NPHS2: variants seen among roughly 807,000 people sequenced by gnomAD.
The protein encoded by NPHS2 is NPHS2 stomatin family member, podocin.
A neutral mutation model predicts 37.1 loss-of-function variants in NPHS2; 36 were observed. The ratio of observed to expected loss-of-function variants is 0.97; its 90% CI spans 0.74 to 1.28. The LOEUF (loss-of-function observed/expected upper bound fraction) is 1.28, where lower values mean the gene tolerates loss of function less well. NPHS2 is among the 50% of genes most tolerant of loss of function. The probability of loss-of-function intolerance (pLI) is 0.00; values close to 1 mark genes in which losing one functional copy is unlikely to be tolerated. For missense variants in NPHS2, 447 were observed against 488.1 expected, an observed-to-expected ratio of 0.92 and a Z score of 0.79; for synonymous variants, 196 against 189.3, an observed-to-expected ratio of 1.04 and a Z score of -0.29.
At chr1:179,575,532 A>T in intron 1 of NPHS2, 59 bp downstream of exon 1, 1 of 1,595,420 alleles carries the variant, frequency 6.3e-7, no homozygotes, top group Non-Finnish European at 8.5e-7. Context: ...TTTCCACCTT[A>T]TCTGACGCCC....
chr1:179,557,585 C>T (rs1041666919), intron 4 of NPHS2, among the ~76,000 whole-genome samples: 1 of 152,098 alleles, frequency 6.6e-6, no homozygotes, highest in Admixed American at 6.6e-5. Flanking sequence ...ATGTGTTGCT[C>T]GCTAGAGTGT....
Position 179,575,716 on chromosome 1 carries a change from C to G in NPHS2, c.149G>C (p.Arg50Pro), listed in dbSNP as rs1246051609. The G allele has an allele frequency of 1.3e-6, 2 of 1,553,302 alleles. No homozygotes were observed. The highest frequency in any genetic ancestry group is 1.7e-6 in the Non-Finnish European group (2 of 1,154,766). The change falls in exon 1 of 8, where the codon CGG (arginine) becomes CCG (proline). Residue 50 changes from arginine to proline, a missense_variant. Transcript: ENST00000367615. Reference protein sequence around the residue: ...EAGPEPSGSGRAGTPGEPRAP... With the variant: ...EAGPEPSGSGPAGTPGEPRAP... ...TCGGGGCTCCCCCGGGGTCCCCGCC[C>G]GTCCGGAGCCCGACGGCTCGGGCCC... is the stretch of plus-strand genomic sequence containing the variant.
At chr1:179,573,142 T>C (rs1341779294) in intron 1 of NPHS2, among the ~76,000 whole-genome samples, 1 of 152,176 alleles carries the variant, frequency 6.6e-6, no homozygotes, top group Admixed American at 6.5e-5. Context: ...TAAAATCTTA[T>C]TTTTAAGAGA....
At chr1:179,570,825 C>G (rs1674525864) in intron 1 of NPHS2, among the ~76,000 whole-genome samples, 1 of 152,232 alleles carries the variant, frequency 6.6e-6, no homozygotes, top group Admixed American at 6.5e-5. Context: ...TCTTCAGTCA[C>G]TGATACTCTT....
In NPHS2 at chr1:179,552,637, A is replaced by G. The variant is rs200681472; in HGVS notation, c.839T>C (p.Val280Ala). ...GGCTTGTCTTTGCGCTTCAGCCTCCACAGCCAGTGAGTGCTGAAGCCCAGC... is the reference window on the plus strand; with the variant it reads ...GGCTTGTCTTTGCGCTTCAGCCTCCGCAGCCAGTGAGTGCTGAAGCCCAGC... ...LPAGLQHSLA[V>A]EAEAQRQAKV... The change falls in exon 7 of 8, where the codon GTG becomes GCG. Residue 280 changes from valine (V) to alanine (A), a missense_variant. By Grantham distance (64) the Val-to-Ala change is moderately conservative (BLOSUM62 0). Coordinates refer to ENST00000367615, the MANE Select transcript of NPHS2 (RefSeq NM_014625.4). The G allele has an allele frequency of 6.2e-7, 1 of 1,613,548 alleles. No individual in the cohort carries two copies. The highest frequency in any genetic ancestry group is 1.3e-5 in the African/African-American group (1 of 74,944).
In NPHS2 at chr1:179,552,683, T is replaced by C. The variant is rs1342452396; in HGVS notation, c.795-2A>G. On this transcript the variant is annotated splice_acceptor_variant, in intron 6 of 7. Transcript: ENST00000367615. LOFTEE classifies it high-confidence loss of function. ...CCAGCTGGCAACCTCACATCTTTAC[T>C]GAAAAAGAAAGAATGCAGGTATGTA... 6.2e-7 allele frequency: 1 copy of C among 1,613,114 alleles called. No homozygotes were observed. The highest frequency in any genetic ancestry group is 1.1e-5 in the South Asian group (1 of 91,004).
At chr1:179,570,266 T>G (rs965966548) in intron 1 of NPHS2, among the ~76,000 whole-genome samples, 1 of 152,156 alleles carries the variant, frequency 6.6e-6, no homozygotes, top group Admixed American at 6.5e-5. Flanking sequence ...ATATAGAGGT[T>G]TGAAGTGGGA....
chr1:179,557,301 A>C (rs1290795454), intron 4 of NPHS2, 71 bp from the exon 5 acceptor site: 3 of 1,205,992 alleles, frequency 2.5e-6, no homozygotes, highest in Non-Finnish European at 3.7e-6. Context: ...TAGAGGAACT[A>C]AATGTGTTCA....
chr1:179,571,837 C>A (rs1409041943), intron 1 of NPHS2, among the ~76,000 whole-genome samples: 1 of 152,216 alleles, frequency 6.6e-6, no homozygotes, highest in Admixed American at 6.5e-5. Flanking sequence ...GCTGCGCTAG[C>A]AGTGAGCAAG....
chr1:179,553,902 C>A (rs1242704773), intron 6 of NPHS2, among the ~76,000 whole-genome samples: 1 of 147,050 alleles, frequency 6.8e-6, no homozygotes, highest in Non-Finnish European at 1.5e-5. Flanking sequence ...TTTGCCAACA[C>A]CCCTGGCTAA....
chr1:179,575,021 G>A (rs1315003903), intron 1 of NPHS2, among the ~76,000 whole-genome samples: 2 of 152,162 alleles, frequency 1.3e-5, no homozygotes, highest in African/African-American at 4.8e-5. Context: ...ACTGTTATAG[G>A]AGAGATGGTT....
chr1:179,574,813 G>A (rs964980246), intron 1 of NPHS2, among the ~76,000 whole-genome samples: 5 of 152,188 alleles, frequency 3.3e-5, no homozygotes, highest in Non-Finnish European at 7.3e-5. Flanking sequence ...AAAGACTGGA[G>A]GTAGACAAAA....
chr1:179,561,392 T>C (rs1674132165), intron 2 of NPHS2, 31 bp from the exon 3 acceptor site: 5 of 1,527,628 alleles, frequency 3.3e-6, no homozygotes, highest in Non-Finnish European at 4.5e-6. Flanking sequence ...TTCAAATCAC[T>C]CCCAGAAAGA....
At chr1:179,554,452 C>A in intron 6 of NPHS2, 24 bp downstream of exon 6, 1 of 1,613,876 alleles carries the variant, frequency 6.2e-7, no homozygotes, top group South Asian at 1.1e-5. Context: ...TCATACAGTT[C>A]TTGCTAGTTA....
intron 6 of NPHS2, 21 bp downstream of exon 6, chr1:179,554,455 G>A (rs770604019): frequency 6.2e-7 from 1 of 1,613,908 alleles, no homozygotes; most frequent in Non-Finnish European, 8.5e-7. Context: ...TACAGTTCTT[G>A]CTAGTTAATT....
At chr1:179,553,534 T>C (rs1249468169) in intron 6 of NPHS2, among the ~76,000 whole-genome samples, 7 of 152,356 alleles carry the variant, frequency 4.6e-5, no homozygotes, top group Admixed American at 4.6e-4. Flanking sequence ...ATTCCATTTA[T>C]GTGAAATGTC....
intron 1 of NPHS2, among the ~76,000 whole-genome samples, chr1:179,573,936 A>AT (rs1674660985): frequency 6.6e-6 from 1 of 152,186 alleles, no homozygotes; most frequent in Admixed American, 6.5e-5. Flanking sequence ...ACCTTTAAAC[A>AT]TTGTCTGAGA....
chr1:179,551,228 G>A lies in NPHS2; in HGVS notation c.1097C>T (p.Pro366Leu), dbSNP rs774347501. Residue 366 changes from proline to leucine, a missense_variant, in exon 8 of 8, where the codon CCT becomes CTT. Physicochemically the swap from Pro to Leu is moderately conservative, Grantham distance 98. Coordinates refer to ENST00000367615, the MANE Select transcript of NPHS2 (RefSeq NM_014625.4). ...RTQGSLPFPS[P>L]SKPVEPLNPK... Reference sequence around the variant, plus strand: ...ATTTAGTGGCTCAACAGGTTTGGAAGGACTTGGGAAGGGGAGGCTTCCCTG... The same window carrying A: ...ATTTAGTGGCTCAACAGGTTTGGAAAGACTTGGGAAGGGGAGGCTTCCCTG... 2 of 1,614,148 alleles carry A rather than the reference G, an allele frequency of 1.2e-6. No individual in the cohort carries two copies. Among genetic ancestry groups the A allele is most frequent in the Admixed American group, 1.7e-5 (1 of 60,010 alleles).
In NPHS2 at chr1:179,575,680, G is replaced by T; in HGVS notation, c.185C>A (p.Ala62Asp). The T allele has an allele frequency of 6.3e-7, 1 of 1,598,610 alleles. No homozygotes were observed. The highest frequency in any genetic ancestry group is 8.5e-7 in the Non-Finnish European group (1 of 1,177,704). The change falls in exon 1 of 8, where the codon GCC (alanine) becomes GAC (aspartate). Residue 62 changes from alanine to aspartate, a missense_variant. Transcript: ENST00000367615. ...GACCTCATCCACGTCCACCACCGTG[G>T]CGGCGGGCGCTCGGGGCTCCCCCGG... ...GTPGEPRAPA[A>D]TVVDVDEVRG...
Sources: allele counts gnomAD v4.1 joint callset (sites outside exome capture counted in the v4.1 genomes callset), GRCh38; gene constraint gnomAD v4.1.1; transcripts MANE v1.5; gene names NCBI Gene and HGNC (gene_info 2026-07-23, HGNC 2026-07-21).